NUP153: variants seen among roughly 807,000 people sequenced by gnomAD.
NUP153 encodes nuclear pore complex protein Nup153.
A neutral mutation model predicts 134.6 loss-of-function variants in NUP153; 27 were observed. That is an observed-to-expected ratio of 0.20 (90% CI 0.15 to 0.28). NUP153 has a LOEUF of 0.28. Among genes scored for constraint, NUP153 ranks in the 10% least tolerant of loss-of-function variants. The pLI, the probability that NUP153 is intolerant of heterozygous loss-of-function variation, is 1.00. For missense variants in NUP153, 1,821 were observed against 1,731.3 expected (o/e 1.05, Z -0.92); for synonymous variants, 640 against 623.5 (o/e 1.03, Z -0.40).
At chr6:17,641,049 T>C (rs1765807004) in intron 14 of NUP153, among the ~76,000 whole-genome samples, 1 of 152,220 alleles carries the variant, frequency 6.6e-6, no homozygotes. Flanking sequence ...TTACTTTTTA[T>C]GCTTTCTAAA....
chr6:17,654,879 T>C (rs1766719997), intron 11 of NUP153, among the ~76,000 whole-genome samples: 1 of 150,054 alleles, frequency 6.7e-6, no homozygotes, highest in Non-Finnish European at 1.5e-5. Flanking sequence ...TATGGCATAA[T>C]ACCATACAGC....
chr6:17,616,419 A>C, intron 21 of NUP153, 108 bp downstream of exon 21: 1 of 1,012,848 alleles, frequency 9.9e-7, no homozygotes, highest in Non-Finnish European at 1.4e-6. Context: ...GAACATATTT[A>C]ATTTTACCCA....
intron 14 of NUP153, among the ~76,000 whole-genome samples, chr6:17,641,189 G>T (rs1009560140): frequency 4.6e-5 from 7 of 152,232 alleles, no homozygotes; most frequent in African/African-American, 1.7e-4. Flanking sequence ...GACCTGACAT[G>T]TAAGTTTCTG....
At position 17,706,245 on chromosome 6, in the gene NUP153, C is replaced by T; in HGVS notation, c.111+32G>A. ...TCCCCTCCAGCCGAGTTTCCCCACCCGCCAGGCCACCGCGGCGTCGGGGTC... is the reference window on the plus strand; with the variant it reads ...TCCCCTCCAGCCGAGTTTCCCCACCTGCCAGGCCACCGCGGCGTCGGGGTC... On this transcript the variant is annotated intron_variant, in intron 1 of 21. Coordinates refer to ENST00000262077, the MANE Select transcript of NUP153 (RefSeq NM_005124.4). This position sits in a 1 kb window ranked among gnomAD's most constrained non-coding sequence, Gnocchi z 5.9. 1 of 1,565,588 alleles carries T rather than the reference C, an allele frequency of 6.4e-7. No homozygotes were observed. Among genetic ancestry groups the T allele is most frequent in the Non-Finnish European group, 8.8e-7 (1 of 1,136,938 alleles).
chr6:17,678,352 CAAAAAAAAAA>C (rs11428582), intron 2 of NUP153, among the ~76,000 whole-genome samples: 1 of 68,238 alleles, frequency 1.5e-5, no homozygotes, highest in Non-Finnish European at 2.7e-5. Flanking sequence ...CCCTCTGTCT[CAAAAAAAAAA>C]AAAAAAAAAA....
intron 20 of NUP153, among the ~76,000 whole-genome samples, chr6:17,623,129 C>CAAA (rs71002235): frequency 2.7e-5 from 2 of 72,994 alleles, no homozygotes; most frequent in Admixed American, 1.4e-4. Context: ...GATTCTGTCT[C>CAAA]AAAAAAAAAA....
chr6:17,624,929 G>C (rs549658800), intron 19 of NUP153, 96 bp from the exon 20 acceptor site: 32 of 1,242,824 alleles, frequency 2.6e-5, no homozygotes, highest in Non-Finnish European at 3.2e-5. Flanking sequence ...GTCAAGCTTC[G>C]TTTCAGACTC....
chr6:17,626,032 A>C lies in NUP153; in HGVS notation c.3677T>G (p.Phe1226Cys). The change falls in exon 19 of 22, where the codon TTT (phenylalanine) becomes TGT (cysteine). Residue 1226 changes from phenylalanine (F) to cysteine (C), a missense_variant. By Grantham distance (205) the Phe-to-Cys change is radical. Coordinates refer to ENST00000262077, the MANE Select transcript of NUP153 (RefSeq NM_005124.4). ...AGGATTGCTGGACTGTCCAAACACA[A>C]AGGTAGCCACAGGTGGATTGGAGGA... ...TSSSNPPVAT[F>C]VFGQSSNPVS... 1 of 1,614,206 alleles carries C rather than the reference A, an allele frequency of 6.2e-7. No individual in the cohort carries two copies. The highest frequency in any genetic ancestry group is 8.5e-7 in the Non-Finnish European group (1 of 1,180,038).
rs1476948084 is a variant in NUP153 at position 17,685,670 on chromosome 6, A to T, written c.334+2726T>A. On this transcript the variant is annotated intron_variant, in intron 2 of 21. Coordinates refer to ENST00000262077, the MANE Select transcript of NUP153 (RefSeq NM_005124.4). ...AAGGCCTTAGTGCAATGCATTACTC[A>T]GGAGTCTGCAGTCATGCTAATGTAA... 2.0e-5 allele frequency among the ~76,000 whole-genome samples: 3 copies of T among 152,174 alleles called. No homozygotes were observed. In the East Asian group the frequency reaches 5.8e-4, roughly 29 times the overall value.
chr6:17,665,425 T>C lies in NUP153; in HGVS notation c.1069-40A>G, dbSNP rs530297021. Reference sequence around the variant, plus strand: ...GAAATCAAAAACATTTATTTTCATATAAATCAATGATTCATATCTAAATTT... The same window carrying C: ...GAAATCAAAAACATTTATTTTCATACAAATCAATGATTCATATCTAAATTT... On this transcript the variant is annotated intron_variant, in intron 8 of 21. Transcript: ENST00000262077. 3.0e-5 allele frequency: 45 copies of C among 1,520,432 alleles called. No individual in the cohort carries two copies. The South Asian group carries it at 5.0e-4, about 17-fold the overall frequency. The allele number at this position is 1,520,432 out of a possible 1,614,324, so 94.2% of individuals were successfully genotyped here.
chr6:17,624,836 G>A lies in NUP153; in HGVS notation c.3902-3C>T, dbSNP rs1302506514. Reference sequence around the variant, plus strand: ...AGTTCCAAATACAAAGGAGGATCCTGGAGGCCCAAAGAAACACTTAAGTCA... The same window carrying A: ...AGTTCCAAATACAAAGGAGGATCCTAGAGGCCCAAAGAAACACTTAAGTCA... On this transcript the variant is annotated splice_polypyrimidine_tract_variant and splice_region_variant and intron_variant, in intron 19 of 21. Transcript: ENST00000262077. 1 of 1,583,828 alleles carries A rather than the reference G, an allele frequency of 6.3e-7. No homozygotes were observed. The highest frequency in any genetic ancestry group is 8.6e-7 in the Non-Finnish European group (1 of 1,162,630).
At position 17,706,844 on chromosome 6, in the gene NUP153, C is replaced by A. The variant is rs1245730376; in HGVS notation, c.-457G>T. 5.9e-6 allele frequency: 1 copy of A among 170,586 alleles called. No individual in the cohort carries two copies. Among genetic ancestry groups the A allele is most frequent in the Admixed American group, 6.1e-5 (1 of 16,282 alleles). 10.6% of individuals were successfully genotyped at this position (170,586 alleles called of 1,614,324 possible). A position where few individuals can be genotyped will look rare whatever the true frequency, so the allele number is the denominator to read the frequency against. On this transcript the variant is annotated 5_prime_UTR_variant, in exon 1 of 22. Transcript: ENST00000262077. The surrounding 1 kb of genome is among the most constrained non-coding windows in gnomAD (Gnocchi z 5.9). ...CGCACAGCGCCCGCCCCGCCGCCGT[C>A]GTCGTCGTCGTCCCTGCAGCCTCCG... is the stretch of plus-strand genomic sequence containing the variant.
intron 2 of NUP153, among the ~76,000 whole-genome samples, chr6:17,685,387 A>G (rs1038691082): frequency 1.3e-5 from 2 of 152,024 alleles, no homozygotes; most frequent in Non-Finnish European, 2.9e-5. Flanking sequence ...CTTTACTAAA[A>G]ATACAAAAAA....
chr6:17,673,446 A>G (rs184042642), intron 5 of NUP153, among the ~76,000 whole-genome samples: 2 of 152,318 alleles, frequency 1.3e-5, no homozygotes, highest in Admixed American at 6.5e-5. Context: ...ATAACAAAGT[A>G]TTTGTACCCT....
rs1768168935 is a variant in NUP153, at chr6:17,675,516, G to A, written c.583+6C>T. The A allele has an allele frequency of 6.2e-7, 1 of 1,613,550 alleles. No individual in the cohort carries two copies. Among genetic ancestry groups the A allele is most frequent in the Non-Finnish European group, 8.5e-7 (1 of 1,179,608 alleles). ...CAAATTATGTACTACCACATGTCAA[G>A]AATACCTTTATCAGAAGCTCTTGAA... On this transcript the variant is annotated splice_donor_region_variant and intron_variant, in intron 3 of 21. Transcript: ENST00000262077. The surrounding 1 kb of genome is among the most constrained non-coding windows in gnomAD (Gnocchi z 4.4).
In NUP153 at chr6:17,649,209, G is replaced by A; in HGVS notation, c.1487C>T (p.Thr496Ile). ...CGAATTGATGGGTGATGGAGAGGAA[G>A]TTGTGATCTCAGGGGAACTAAAATT... ...TFNFSSPEIT[T>I]SSPSPINSSQ... Residue 496 changes from threonine to isoleucine, a missense_variant, in exon 12 of 22, where the codon ACT becomes ATT. Physicochemically the swap from Thr to Ile is moderately conservative, Grantham distance 89. Coordinates refer to ENST00000262077, the MANE Select transcript of NUP153 (RefSeq NM_005124.4). 1.2e-6 allele frequency: 2 copies of A among 1,613,972 alleles called. No homozygotes were observed. Among genetic ancestry groups the A allele is most frequent in the Non-Finnish European group, 1.7e-6 (2 of 1,179,956 alleles).
At chr6:17,622,298 C>G (rs1044168782) in intron 20 of NUP153, among the ~76,000 whole-genome samples, 28 of 152,136 alleles carry the variant, frequency 1.8e-4, no homozygotes, top group African/African-American at 5.8e-4. Context: ...AACCACGCCC[C>G]CCTCCAAAAA....
intron 1 of NUP153, among the ~76,000 whole-genome samples, chr6:17,693,971 C>A (rs1769456825): frequency 6.6e-6 from 1 of 152,152 alleles, no homozygotes. Flanking sequence ...TATAATAGGA[C>A]ACCCATCTCA....
Position 17,632,837 on chromosome 6 carries a change from T to C in NUP153, c.2472A>G (p.Ser824=), listed in dbSNP as rs1037471453. 8.2e-6 allele frequency: 11 copies of C among 1,346,396 alleles called. No individual in the cohort carries two copies. Among genetic ancestry groups the C allele is most frequent in the Non-Finnish European group, 8.0e-6 (8 of 995,828 alleles). The allele number at this position is 1,346,396 out of a possible 1,614,324, so 83.4% of individuals were successfully genotyped here. A position where few individuals can be genotyped will look rare whatever the true frequency, so the allele number is the denominator to read the frequency against. ...CAGTGCTGCTACTTGAAGCAGGTACTGAACTTCCTAAAAAAAAAAAAAAAA... is the reference window on the plus strand; with the variant it reads ...CAGTGCTGCTACTTGAAGCAGGTACCGAACTTCCTAAAAAAAAAAAAAAAA... ...VSCMSEKPGS[S]VPASSSSTVP... Residue 824 remains serine, a synonymous_variant, in exon 17 of 22, where the codon TCA becomes TCG. Transcript: ENST00000262077.
Sources: allele counts gnomAD v4.1 joint callset (sites outside exome capture counted in the v4.1 genomes callset), GRCh38; gene constraint gnomAD v4.1.1; non-coding constraint Gnocchi (gnomAD v3.1); transcripts MANE v1.5; gene names NCBI Gene and HGNC (gene_info 2026-07-23, HGNC 2026-07-21).